Variants in RETREG1 observed in about 807,000 individuals in gnomAD.
RETREG1 encodes reticulophagy regulator 1.
A neutral mutation model predicts 54.8 loss-of-function variants in RETREG1; 44 were observed. The observed-to-expected ratio is 0.80, with a 90% CI of 0.63 to 1.03. The LOEUF (loss-of-function observed/expected upper bound fraction) is 1.03. RETREG1 is among the 50% of genes least tolerant of loss of function. The pLI is 0.00. For missense variants in RETREG1, 554 were observed against 605.1 expected (o/e 0.92, Z 0.89); for synonymous variants, 217 against 238.5 (o/e 0.91, Z 0.83).
chr5:16,522,021 C>A (rs994635337), intron 3 of RETREG1, among the ~76,000 whole-genome samples: 2 of 152,160 alleles, frequency 1.3e-5, no homozygotes, highest in Admixed American at 1.3e-4. Context: ...ATGAGCTTCA[C>A]CTGCTGACCC....
rs189010655 is a variant in RETREG1, at chr5:16,533,510, C to A, written c.458+32253G>T. On this transcript the variant is annotated intron_variant, in intron 3 of 8. Coordinates refer to ENST00000306320, the MANE Select transcript of RETREG1 (RefSeq NM_001034850.3). ...CCAACCTAGTAGTCTCCTGGCTTAA[C>A]CCTTCATCAAGGGATGCTCAGGAAT... Among the ~76,000 whole-genome samples, 658 of 152,228 alleles carry A rather than the reference C, an allele frequency of 4.3e-3. 4 individuals carry two copies. Among genetic ancestry groups the A allele is most frequent in the African/African-American group, 0.015 (636 of 41,534 alleles).
At chr5:16,586,308 T>A (rs984268741) in intron 1 of RETREG1, among the ~76,000 whole-genome samples, 3 of 152,208 alleles carry the variant, frequency 2.0e-5, no homozygotes, top group Non-Finnish European at 4.4e-5. Context: ...ACTTACAATA[T>A]GAATGTGGGA....
chr5:16,516,386 C>A (rs1740356342), intron 3 of RETREG1, among the ~76,000 whole-genome samples: 1 of 152,144 alleles, frequency 6.6e-6, no homozygotes, highest in African/African-American at 2.4e-5. Context: ...AGATCAAAAA[C>A]ACCTCCCCTA....
intron 3 of RETREG1, among the ~76,000 whole-genome samples, chr5:16,523,470 T>TG (rs941339859): frequency 1.2e-4 from 19 of 152,054 alleles, no homozygotes; most frequent in Non-Finnish European, 2.5e-4. Context: ...GATTTTGGGT[T>TG]GGGGGGAGAG....
intron 3 of RETREG1, among the ~76,000 whole-genome samples, chr5:16,492,229 T>TCTCTCTCTCTCTCTCTCTCACACA (rs1406702350): frequency 9.0e-6 from 1 of 110,570 alleles, no homozygotes; most frequent in African/African-American, 3.1e-5. Context: ...TCTCTCTCTC[T>TCTCTCTCTCTCTCTCTCTCACACA]CACACACACA....
chr5:16,538,029 T>C (rs1243559368), intron 3 of RETREG1, among the ~76,000 whole-genome samples: 2 of 152,162 alleles, frequency 1.3e-5, no homozygotes, highest in Non-Finnish European at 1.5e-5. Context: ...TACTGTGGCC[T>C]GCAGAAGAGA....
intron 3 of RETREG1, among the ~76,000 whole-genome samples, chr5:16,558,199 G>T (rs978725237): frequency 1.3e-5 from 2 of 152,176 alleles, no homozygotes; most frequent in Non-Finnish European, 2.9e-5. Context: ...GTTTGAGGCT[G>T]CAGTGAACTA....
chr5:16,490,758 C>T (rs888109773), intron 3 of RETREG1, among the ~76,000 whole-genome samples: 5 of 152,118 alleles, frequency 3.3e-5, no homozygotes, highest in South Asian at 2.1e-4. Flanking sequence ...TAATGTGGGG[C>T]GAGATACAGA....
At chr5:16,615,542 G>C (rs1379608077) in intron 1 of RETREG1, among the ~76,000 whole-genome samples, 1 of 151,926 alleles carries the variant, frequency 6.6e-6, no homozygotes, top group Non-Finnish European at 1.5e-5. Flanking sequence ...TCTTATTTGA[G>C]TGCTCGCATT....
intron 3 of RETREG1, among the ~76,000 whole-genome samples, chr5:16,538,744 G>T (rs922759323): frequency 3.3e-5 from 5 of 149,968 alleles, no homozygotes; most frequent in African/African-American, 7.4e-5. Flanking sequence ...TCGCTCTGTC[G>T]CCCAGGCTGG....
intron 3 of RETREG1, among the ~76,000 whole-genome samples, chr5:16,524,015 C>T (rs974344900): frequency 1.3e-5 from 2 of 152,166 alleles, no homozygotes; most frequent in African/African-American, 4.8e-5. Context: ...GGGCTCCCCT[C>T]AACTGGTCCA....
chr5:16,566,602 T>C (rs1161252436), intron 2 of RETREG1, among the ~76,000 whole-genome samples: 1 of 152,264 alleles, frequency 6.6e-6, no homozygotes, highest in Non-Finnish European at 1.5e-5. Context: ...AGCTATGGGA[T>C]AAATCCTTCT....
chr5:16,611,254 T>C (rs984919620), intron 1 of RETREG1, among the ~76,000 whole-genome samples: 1 of 151,974 alleles, frequency 6.6e-6, no homozygotes, highest in Non-Finnish European at 1.5e-5. Flanking sequence ...GGGCCTGTCA[T>C]GGGGTCGGGG....
At chr5:16,526,065 C>T (rs1318828498) in intron 3 of RETREG1, among the ~76,000 whole-genome samples, 1 of 151,360 alleles carries the variant, frequency 6.6e-6, no homozygotes, top group Non-Finnish European at 1.5e-5. Context: ...AATACCTTTG[C>T]ATCTACACTG....
At chr5:16,555,976 A>G (rs1741694034) in intron 3 of RETREG1, among the ~76,000 whole-genome samples, 1 of 152,126 alleles carries the variant, frequency 6.6e-6, no homozygotes, top group Non-Finnish European at 1.5e-5. Flanking sequence ...TATTTTCCAT[A>G]TTTATAAATG....
chr5:16,548,904 C>T (rs932247958), intron 3 of RETREG1, among the ~76,000 whole-genome samples: 10 of 152,198 alleles, frequency 6.6e-5, no homozygotes, highest in East Asian at 1.9e-4. Flanking sequence ...TATTCTGTTA[C>T]GGCTGCCTGA....
intron 1 of RETREG1, among the ~76,000 whole-genome samples, chr5:16,589,316 G>GT (rs796283033): frequency 0.072 from 10,229 of 141,572 alleles, 381 homozygotes; most frequent in African/African-American, 0.11. Context: ...AAACTTGAGT[G>GT]TTTTTTTTTT....
chr5:16,501,846 G>A (rs1360899234), intron 3 of RETREG1, among the ~76,000 whole-genome samples: 1 of 148,936 alleles, frequency 6.7e-6, no homozygotes, highest in Admixed American at 6.7e-5. Flanking sequence ...CGCCCAGCCT[G>A]GCCTGCATTT....
chr5:16,572,772 G>C (rs1742213299), intron 1 of RETREG1, among the ~76,000 whole-genome samples: 2 of 152,066 alleles, frequency 1.3e-5, no homozygotes, highest in Non-Finnish European at 2.9e-5. Context: ...CAAGCTGCAG[G>C]GCTCTCTAAC....
Sources: allele counts gnomAD v4.1 joint callset (sites outside exome capture counted in the v4.1 genomes callset), GRCh38; gene constraint gnomAD v4.1.1; transcripts MANE v1.5; gene names NCBI Gene and HGNC (gene_info 2026-07-23, HGNC 2026-07-21).